Variants in ZUP1 observed in about 807,000 individuals in gnomAD.
The protein encoded by ZUP1 is zinc finger-containing ubiquitin peptidase 1.
ZUP1 carries 55 observed loss-of-function variants against 68.1 expected under a neutral mutation model. The ratio of observed to expected loss-of-function variants is 0.81; its 90% CI spans 0.65 to 1.01. The LOEUF (loss-of-function observed/expected upper bound fraction) is 1.01. Ranked by LOEUF, ZUP1 falls within the 50% of genes least tolerant of loss-of-function variation. The pLI, the probability that ZUP1 is intolerant of heterozygous loss-of-function variation, is 0.00. For synonymous variants in ZUP1, 223 were observed against 221.5 expected (o/e 1.01, Z -0.06); for missense variants, 684 against 674.9 (o/e 1.01, Z -0.15).
chr6:116,645,679 AT>A lies in ZUP1; in HGVS notation c.1689+34del. 2.0e-6 allele frequency: 3 copies of A among 1,479,038 alleles called. 1 individual carries two copies. The highest frequency in any genetic ancestry group is 2.8e-6 in the Non-Finnish European group (3 of 1,086,964). 91.6% of individuals were successfully genotyped at this position (1,479,038 alleles called of 1,614,324 possible). On this transcript the variant is annotated intron_variant, in intron 9 of 9. Coordinates refer to ENST00000368576, the MANE Select transcript of ZUP1 (RefSeq NM_145062.3). ...AGTTTTAAACTTTTAAGTTCATCTCATTCAAACTTCACATATAAATATTTAG... is the reference window on the plus strand; with the variant it reads ...AGTTTTAAACTTTTAAGTTCATCTCATCAAACTTCACATATAAATATTTAG...
chr6:116,650,349 G>C (rs1015896830), intron 7 of ZUP1, among the ~76,000 whole-genome samples: 3 of 149,884 alleles, frequency 2.0e-5, no homozygotes, highest in Admixed American at 2.0e-4. Context: ...TTGAACCCAG[G>C]AGGCGGAGCT....
chr6:116,666,928 A>G lies in ZUP1; in HGVS notation c.265T>C (p.Ser89Pro), dbSNP rs1467544880. Residue 89 changes from serine (S) to proline (P), a missense_variant, in exon 2 of 10, where the codon TCA becomes CCA. Coordinates refer to ENST00000368576, the MANE Select transcript of ZUP1 (RefSeq NM_145062.3). Reference sequence around the variant, plus strand: ...GATGCACAACCTGAAAGAATACTTGAATTAACTTCCATTCCACACTGTAGG... The same window carrying G: ...GATGCACAACCTGAAAGAATACTTGGATTAACTTCCATTCCACACTGTAGG... The part of the protein sequence containing the change: ...NTLQCGMEVN[S>P]SILSGCASNH... The G allele has an allele frequency of 6.2e-7, 1 of 1,613,294 alleles. No individual in the cohort carries two copies. The highest frequency in any genetic ancestry group is 8.5e-7 in the Non-Finnish European group (1 of 1,179,796).
chr6:116,641,126 C>A (rs1336482706), intron 9 of ZUP1, among the ~76,000 whole-genome samples: 1 of 148,780 alleles, frequency 6.7e-6, no homozygotes, highest in Non-Finnish European at 1.5e-5. Context: ...ATCAATTCAA[C>A]AAGAAGAGCT....
At position 116,666,731 on chromosome 6, in the gene ZUP1, A is replaced by G; in HGVS notation, c.462T>C (p.Pro154=). Residue 154 remains proline (P), a synonymous_variant, in exon 2 of 10, where the codon CCT becomes CCC. Transcript: ENST00000368576. ...CTATTTTTCCACAGAATGGACATTC[A>G]GGAGGACTGTATGTTGTTTCATAAA... is the stretch of plus-strand genomic sequence containing the variant. ...GSVYETTYSP[P]ECPFCGKIEE... 1 of 1,613,870 alleles carries G rather than the reference A, an allele frequency of 6.2e-7. No homozygotes were observed. Among genetic ancestry groups the G allele is most frequent in the South Asian group, 1.1e-5 (1 of 91,018 alleles).
intron 8 of ZUP1, among the ~76,000 whole-genome samples, chr6:116,647,141 T>G (rs183113264): frequency 1.3e-5 from 2 of 152,224 alleles, no homozygotes; most frequent in Admixed American, 1.3e-4. Flanking sequence ...AATGTCATAA[T>G]ACTCCCTGCT....
chr6:116,663,156 C>T (rs891078975), intron 2 of ZUP1, among the ~76,000 whole-genome samples: 3 of 152,120 alleles, frequency 2.0e-5, no homozygotes, highest in Non-Finnish European at 4.4e-5. Flanking sequence ...TATCCTTCTA[C>T]CTCACTTCTT....
intron 9 of ZUP1, 60 bp downstream of exon 9, chr6:116,645,640 GATTTTAAACTAAAA>G: frequency 1.0e-6 from 1 of 999,996 alleles, no homozygotes; most frequent in South Asian, 1.8e-5. Flanking sequence ...TGATAACACT[GATTTTAAACTAAAA>G]GTTTTAAACT....
chr6:116,656,149 G>A (rs907004339), intron 5 of ZUP1, among the ~76,000 whole-genome samples: 13 of 151,378 alleles, frequency 8.6e-5, no homozygotes, highest in African/African-American at 2.2e-4. Context: ...GCGCAATCTC[G>A]GCTCACCGCA....
intron 9 of ZUP1, among the ~76,000 whole-genome samples, chr6:116,642,948 A>G (rs1194116837): frequency 6.6e-6 from 1 of 152,236 alleles, no homozygotes; most frequent in Non-Finnish European, 1.5e-5. Context: ...CCACTGTCTC[A>G]GCCCAAAATC....
Position 116,635,761 on chromosome 6 carries a change from G to A in ZUP1, c.*71C>T. 6.8e-6 allele frequency: 8 copies of A among 1,181,020 alleles called. No homozygotes were observed. Among genetic ancestry groups the A allele is most frequent in the South Asian group, 1.4e-5 (1 of 69,972 alleles). The allele number at this position is 1,181,020 out of a possible 1,614,324, so 73.2% of individuals were successfully genotyped here. A position where few individuals can be genotyped will look rare whatever the true frequency, so the allele number is the denominator to read the frequency against. Reference sequence around the variant, plus strand: ...ATTCACAGATTCATAATTGTATTAAGGAGTTCAATATCTACATTTAGAAAA... The same window carrying A: ...ATTCACAGATTCATAATTGTATTAAAGAGTTCAATATCTACATTTAGAAAA... On this transcript the variant is annotated 3_prime_UTR_variant, in exon 10 of 10. Coordinates refer to ENST00000368576, the MANE Select transcript of ZUP1 (RefSeq NM_145062.3).
chr6:116,668,356 A>AC (rs1478543277), intron 1 of ZUP1, among the ~76,000 whole-genome samples: 1 of 152,196 alleles, frequency 6.6e-6, no homozygotes, highest in Non-Finnish European at 1.5e-5. Flanking sequence ...GAGACAAGAG[A>AC]GTACCCAGGT....
chr6:116,667,344 A>G (rs1777044113), intron 1 of ZUP1, 137 bp from the exon 2 acceptor site: 1 of 456,508 alleles, frequency 2.2e-6, no homozygotes, highest in Non-Finnish European at 3.7e-6. Context: ...CTGTTCCTCA[A>G]ATACAAAAAC....
chr6:116,654,563 T>C (rs1173734446), intron 5 of ZUP1, among the ~76,000 whole-genome samples: 25 of 151,964 alleles, frequency 1.6e-4, no homozygotes, highest in Non-Finnish European at 4.4e-5. Flanking sequence ...AATAGAAAGA[T>C]TGAGAACTTT....
Position 116,646,000 on chromosome 6 carries a change from A to G in ZUP1, c.1469-66T>C, listed in dbSNP as rs762607771. The G allele has an allele frequency of 1.7e-3, 1,927 of 1,154,070 alleles. 2 individuals are homozygous for G. Among genetic ancestry groups the G allele is most frequent in the Non-Finnish European group, 2.3e-3 (1,812 of 803,388 alleles). The allele number at this position is 1,154,070 out of a possible 1,614,324, so 71.5% of individuals were successfully genotyped here. A position where few individuals can be genotyped will look rare whatever the true frequency, so the allele number is the denominator to read the frequency against. ...TTACAGTTATACAAATAGTCTCTGT[A>G]TGTATGTTGTGTGATCATATGTGTG... On this transcript the variant is annotated intron_variant, in intron 8 of 9. Coordinates refer to ENST00000368576, the MANE Select transcript of ZUP1 (RefSeq NM_145062.3).
chr6:116,644,151 A>G (rs990197511), intron 9 of ZUP1, among the ~76,000 whole-genome samples: 3 of 152,218 alleles, frequency 2.0e-5, no homozygotes, highest in South Asian at 2.1e-4. Flanking sequence ...ACCATCTCAC[A>G]CCAGTTAGAA....
intron 1 of ZUP1, among the ~76,000 whole-genome samples, chr6:116,668,026 T>A (rs1187368371): frequency 6.6e-6 from 1 of 152,208 alleles, no homozygotes; most frequent in East Asian, 1.9e-4. Flanking sequence ...AAAAAATAAT[T>A]TTAAAAAAAG....
At position 116,666,732 on chromosome 6, in the gene ZUP1, G is replaced by C; in HGVS notation, c.461C>G (p.Pro154Arg). 6.2e-7 allele frequency: 1 copy of C among 1,613,856 alleles called. No individual in the cohort carries two copies. Among genetic ancestry groups the C allele is most frequent in the Non-Finnish European group, 8.5e-7 (1 of 1,179,908 alleles). ...GSVYETTYSP[P>R]ECPFCGKIEE... is the part of the protein sequence containing the mutation. ...TATTTTTCCACAGAATGGACATTCA[G>C]GAGGACTGTATGTTGTTTCATAAAC... Residue 154 changes from proline (P) to arginine (R), a missense_variant, in exon 2 of 10, where the codon CCT (proline) becomes CGT (arginine). Physicochemically the swap from Pro to Arg is moderately radical, Grantham distance 103 (BLOSUM62 -2). Coordinates refer to ENST00000368576, the MANE Select transcript of ZUP1 (RefSeq NM_145062.3).
intron 9 of ZUP1, 121 bp downstream of exon 9, chr6:116,645,593 A>AAAAAAAAGAAAAAGAATAG: frequency 1.3e-6 from 1 of 780,108 alleles, no homozygotes; most frequent in African/African-American, 1.8e-5. Flanking sequence ...CAAAAAAAAA[A>AAAAAAAAGAAAAAGAATAG]AAAAAAAAGA....
At chr6:116,641,364 A>G (rs1408267712) in intron 9 of ZUP1, among the ~76,000 whole-genome samples, 4 of 152,162 alleles carry the variant, frequency 2.6e-5, no homozygotes, top group Non-Finnish European at 5.9e-5. Flanking sequence ...AGAACTCTCC[A>G]CCCCAAATCA....
Sources: gnomAD v4.1 joint callset for allele counts (sites outside exome capture counted in the v4.1 genomes callset) on GRCh38, gnomAD v4.1.1 for gene constraint, MANE v1.5 for transcripts, NCBI Gene and HGNC (gene_info 2026-07-23, HGNC 2026-07-21) for gene names.